RHOV: variants seen among roughly 807,000 people sequenced by gnomAD.
RHOV encodes the protein rho-related GTP-binding protein RhoV.
In RHOV, 6 loss-of-function variants were observed where a neutral mutation model predicts 20.2. The observed-to-expected ratio is 0.30, with a 90% confidence interval of 0.16 to 0.59. The LOEUF is 0.59. Ranked by LOEUF, RHOV falls within the 20% of genes least tolerant of loss-of-function variation. RHOV has a pLI of 0.89. For missense variants in RHOV, 275 were observed against 319.4 expected, an observed-to-expected ratio of 0.86 and a Z score of 1.06; for synonymous variants, 136 against 142.3, an observed-to-expected ratio of 0.96 and a Z score of 0.31.
In RHOV at chr15:40,873,193, C is replaced by A; in HGVS notation, c.576G>T (p.Lys192Asn). Residue 192 changes from lysine (K) to asparagine (N), a missense_variant, in exon 3 of 3, where the codon AAG becomes AAT. Transcript: ENST00000220507. Reference protein sequence around the residue: ...CYLECSALTQKNLKEVFDSAI... With the variant: ...CYLECSALTQNNLKEVFDSAI... ...CCGAGTCAAATACTTCCTTCAAGTT[C>A]TTCTGCGTCAAGGCTGAGCACTCAA... is the stretch of plus-strand genomic sequence containing the variant. 3 of 1,614,264 alleles carry A rather than the reference C, an allele frequency of 1.9e-6. No homozygotes were observed. Among genetic ancestry groups the A allele is most frequent in the South Asian group, 1.1e-5 (1 of 91,090 alleles).
chr15:40,873,431 A>G lies in RHOV; in HGVS notation c.338T>C (p.Val113Ala). Residue 113 changes from valine to alanine, a missense_variant, in exon 3 of 3, where the codon GTG becomes GCG. Val to Ala is a moderately conservative substitution (Grantham distance 64). Transcript: ENST00000220507. The part of the protein sequence containing the change: ...TDVFLACFSV[V>A]QPSSFQNITE... Reference sequence around the variant, plus strand: ...GATGTTTTGAAAGGAGCTGGGCTGCACCACGCTGAAGCACGCCAGGAAGAC... The same window carrying G: ...GATGTTTTGAAAGGAGCTGGGCTGCGCCACGCTGAAGCACGCCAGGAAGAC... The G allele has an allele frequency of 6.2e-7, 1 of 1,611,226 alleles. No individual in the cohort carries two copies. Among genetic ancestry groups the G allele is most frequent in the Non-Finnish European group, 8.5e-7 (1 of 1,179,066 alleles).
At position 40,873,450 on chromosome 15, in the gene RHOV, G is replaced by C. The variant is rs200896433; in HGVS notation, c.319C>G (p.Leu107Val). Residue 107 changes from leucine (L) to valine (V), a missense_variant, in exon 3 of 3, where the codon CTG (leucine) becomes GTG (valine). Leu to Val is a conservative substitution (Grantham distance 32). Coordinates refer to ENST00000220507, the MANE Select transcript of RHOV (RefSeq NM_133639.4). Reference sequence around the variant, plus strand: ...GGCTGCACCACGCTGAAGCACGCCAGGAAGACATCGGTATCCGGGTAGCAA... The same window carrying C: ...GGCTGCACCACGCTGAAGCACGCCACGAAGACATCGGTATCCGGGTAGCAA... Reference protein sequence around the residue: ...SLCYPDTDVFLACFSVVQPSS... With the variant: ...SLCYPDTDVFVACFSVVQPSS... 1 of 1,605,522 alleles carries C rather than the reference G, an allele frequency of 6.2e-7. No homozygotes were observed. The highest frequency in any genetic ancestry group is 8.5e-7 in the Non-Finnish European group (1 of 1,176,060).
rs568852689 is a variant in RHOV, at chr15:40,872,579, T to C, written c.*479A>G. 1.3e-5 allele frequency: 2 copies of C among 156,360 alleles called. No individual in the cohort carries two copies. Among genetic ancestry groups the C allele is most frequent in the East Asian group, 1.9e-4 (1 of 5,236 alleles). The allele number at this position is 156,360 out of a possible 1,614,324, so 9.7% of individuals were successfully genotyped here. On this transcript the variant is annotated 3_prime_UTR_variant, in exon 3 of 3. Coordinates refer to ENST00000220507, the MANE Select transcript of RHOV (RefSeq NM_133639.4). ...ACCATCAGTCCCAGGCTCCAAGACC[T>C]CTTTTCCTGCTCGCTCTCTCAATCT... is the stretch of plus-strand genomic sequence containing the variant.
rs1891917409 is a variant in RHOV at position 40,873,515 on chromosome 15, G to T, written c.268-14C>A. On this transcript the variant is annotated splice_polypyrimidine_tract_variant and intron_variant, in intron 2 of 2. Coordinates refer to ENST00000220507, the MANE Select transcript of RHOV (RefSeq NM_133639.4). ...GTCAAAATCCTCCTGGGGTGGGAAGGCCAGGTGGTAAGGATTAGCCCCCCG... is the reference window on the plus strand; with the variant it reads ...GTCAAAATCCTCCTGGGGTGGGAAGTCCAGGTGGTAAGGATTAGCCCCCCG... 1.9e-6 allele frequency: 3 copies of T among 1,592,182 alleles called. No individual in the cohort carries two copies. The highest frequency in any genetic ancestry group is 1.7e-5 in the Admixed American group (1 of 58,402).
rs769171293 is a variant in RHOV, at chr15:40,874,038, G to A, written c.102C>T (p.Cys34=). ...CCACGGCGCCGTCGCCCACCAGCAC[G>A]CACTTGATGCCCAGCTCTGGGGGCG... is the stretch of plus-strand genomic sequence containing the variant. The part of the protein sequence containing the change: ...RSAPPELGIK[C]VLVGDGAVGK... Residue 34 remains cysteine (C), a synonymous_variant, in exon 1 of 3, where the codon TGC becomes TGT. Coordinates refer to ENST00000220507, the MANE Select transcript of RHOV (RefSeq NM_133639.4). The A allele has an allele frequency of 2.5e-6, 4 of 1,597,278 alleles. No individual in the cohort carries two copies. The highest frequency in any genetic ancestry group is 1.7e-5 in the Admixed American group (1 of 58,514).
At position 40,872,243 on chromosome 15, in the gene RHOV, T is replaced by A. The variant is rs534251992; in HGVS notation, c.*815A>T. On this transcript the variant is annotated 3_prime_UTR_variant, in exon 3 of 3. Transcript: ENST00000220507. ...CAGACTTAAGGTTTTATTTGCAGAC[T>A]CTGCACTGCTCTAGCTTCTAGGCTG... 9 of 152,418 alleles carry A rather than the reference T, an allele frequency of 5.9e-5. No individual in the cohort carries two copies. Among genetic ancestry groups the A allele is most frequent in the Admixed American group, 3.3e-4 (5 of 15,306 alleles). The allele number at this position is 152,418 out of a possible 1,614,324, so 9.4% of individuals were successfully genotyped here.
At position 40,873,916 on chromosome 15, in the gene RHOV, G is replaced by C. The variant is rs377271720; in HGVS notation, c.208+16C>G. The C allele has an allele frequency of 4.1e-5, 66 of 1,601,828 alleles. No individual in the cohort carries two copies. The African/African-American group carries it at 8.4e-4, about 20-fold the overall frequency. ...GCCGCAGCCACGCGGCCGCACGGGC[G>C]ATTGAACGTACGTACCAGAGAAGGT... On this transcript the variant is annotated intron_variant, in intron 1 of 2. Coordinates refer to ENST00000220507, the MANE Select transcript of RHOV (RefSeq NM_133639.4).
Position 40,872,618 on chromosome 15 carries a change from T to A in RHOV, c.*440A>T, listed in dbSNP as rs953127483. The A allele has an allele frequency of 1.9e-5, 3 of 162,014 alleles. No individual in the cohort carries two copies. Among genetic ancestry groups the A allele is most frequent in the Non-Finnish European group, 4.0e-5 (3 of 74,520 alleles). 10.0% of individuals were successfully genotyped at this position (162,014 alleles called of 1,614,324 possible). On this transcript the variant is annotated 3_prime_UTR_variant, in exon 3 of 3. Transcript: ENST00000220507. ...CTCTCTCAATCTCTCGCCCACTCCATCCCAAACTTCTCTCCAAATCGGGGT... is the reference window on the plus strand; with the variant it reads ...CTCTCTCAATCTCTCGCCCACTCCAACCCAAACTTCTCTCCAAATCGGGGT...
In RHOV at chr15:40,873,048, C is replaced by A. The variant is rs1179081084; in HGVS notation, c.*10G>T. ...CTCCTGCCTACTACTTGCTATGCAG[C>A]CATAGCTGCTCAAACGAAGCAGAAG... On this transcript the variant is annotated 3_prime_UTR_variant, in exon 3 of 3. Transcript: ENST00000220507. The A allele has an allele frequency of 6.2e-7, 1 of 1,606,050 alleles. No homozygotes were observed.
intron 1 of RHOV, 85 bp downstream of exon 1, chr15:40,873,847 C>T (rs562793493): frequency 6.5e-7 from 1 of 1,538,278 alleles, no homozygotes; most frequent in East Asian, 2.3e-5. Context: ...TCCTCTGCGC[C>T]CTCCCGCCGA....
Position 40,872,244 on chromosome 15 carries a change from C to T in RHOV, c.*814G>A, listed in dbSNP as rs1010127390. 10 of 152,462 alleles carry T rather than the reference C, an allele frequency of 6.6e-5. No individual in the cohort carries two copies. Among genetic ancestry groups the T allele is most frequent in the African/African-American group, 2.4e-4 (10 of 41,586 alleles). 9.4% of individuals were successfully genotyped at this position (152,462 alleles called of 1,614,324 possible). A position where few individuals can be genotyped will look rare whatever the true frequency, so the allele number is the denominator to read the frequency against. ...AGACTTAAGGTTTTATTTGCAGACT[C>T]TGCACTGCTCTAGCTTCTAGGCTGT... On this transcript the variant is annotated 3_prime_UTR_variant, in exon 3 of 3. Coordinates refer to ENST00000220507, the MANE Select transcript of RHOV (RefSeq NM_133639.4).
Position 40,872,968 on chromosome 15 carries a change from C to T in RHOV, c.*90G>A. On this transcript the variant is annotated 3_prime_UTR_variant, in exon 3 of 3. Transcript: ENST00000220507. ...ACTGAGTCCTATGAGGTGGCCAGGCCCTGCCAGTAGCTGCCGCAAAGGCCC... is the reference window on the plus strand; with the variant it reads ...ACTGAGTCCTATGAGGTGGCCAGGCTCTGCCAGTAGCTGCCGCAAAGGCCC... 3 of 986,356 alleles carry T rather than the reference C, an allele frequency of 3.0e-6. No individual in the cohort carries two copies. The highest frequency in any genetic ancestry group is 4.7e-6 in the Non-Finnish European group (3 of 642,476). The allele number at this position is 986,356 out of a possible 1,614,324, so 61.1% of individuals were successfully genotyped here. A position where few individuals can be genotyped will look rare whatever the true frequency, so the allele number is the denominator to read the frequency against.
In RHOV at chr15:40,872,779, G is replaced by C; in HGVS notation, c.*279C>G. 2.6e-6 allele frequency: 1 copy of C among 386,304 alleles called. No individual in the cohort carries two copies. The highest frequency in any genetic ancestry group is 4.5e-5 in the South Asian group (1 of 22,400). 23.9% of individuals were successfully genotyped at this position (386,304 alleles called of 1,614,324 possible). ...AAACTGGGTTCCCAAACTGCTCGGA[G>C]GTGACTGACCCTGTTAGGACCATCC... On this transcript the variant is annotated 3_prime_UTR_variant, in exon 3 of 3. Coordinates refer to ENST00000220507, the MANE Select transcript of RHOV (RefSeq NM_133639.4).
At position 40,872,776 on chromosome 15, in the gene RHOV, G is replaced by A. The variant is rs772232888; in HGVS notation, c.*282C>T. 31 of 373,518 alleles carry A rather than the reference G, an allele frequency of 8.3e-5. No individual in the cohort carries two copies. The South Asian group carries it at 8.8e-4, about 11-fold the overall frequency. 23.1% of individuals were successfully genotyped at this position (373,518 alleles called of 1,614,324 possible). ...AAGAAACTGGGTTCCCAAACTGCTC[G>A]GAGGTGACTGACCCTGTTAGGACCA... On this transcript the variant is annotated 3_prime_UTR_variant, in exon 3 of 3. Coordinates refer to ENST00000220507, the MANE Select transcript of RHOV (RefSeq NM_133639.4).
At position 40,873,153 on chromosome 15, in the gene RHOV, T is replaced by A; in HGVS notation, c.616A>T (p.Ile206Phe). 2 of 1,614,274 alleles carry A rather than the reference T, an allele frequency of 1.2e-6. No individual in the cohort carries two copies. Among genetic ancestry groups the A allele is most frequent in the Non-Finnish European group, 1.7e-6 (2 of 1,180,040 alleles). ...TTCTCCAGCCGGGCTTTGTGCTCAA[T>A]GGCACTGAGAATAGCCGAGTCAAAT... Reference protein sequence around the residue: ...EVFDSAILSAIEHKARLEKKL... With the variant: ...EVFDSAILSAFEHKARLEKKL... Residue 206 changes from isoleucine (I) to phenylalanine (F), a missense_variant, in exon 3 of 3, where the codon ATT becomes TTT. Ile to Phe is a conservative substitution (Grantham distance 21). Coordinates refer to ENST00000220507, the MANE Select transcript of RHOV (RefSeq NM_133639.4).
At position 40,873,990 on chromosome 15, in the gene RHOV, G is replaced by C. The variant is rs759028239; in HGVS notation, c.150C>G (p.Ser50Arg). Residue 50 changes from serine to arginine, a missense_variant, in exon 1 of 3, where the codon AGC (serine) becomes AGG (arginine). Physicochemically the swap from Ser to Arg is moderately radical, Grantham distance 110. Transcript: ENST00000220507. ...GCGCGGGGTACCCATTGCAGGTGTA[G>C]CTGACGATGAGGCTGCTCTTGCCCA... ...GAVGKSSLIVSYTCNGYPARY... is the reference protein window; with the variant it reads ...GAVGKSSLIVRYTCNGYPARY... 6.2e-7 allele frequency: 1 copy of C among 1,611,042 alleles called. No homozygotes were observed. The highest frequency in any genetic ancestry group is 8.5e-7 in the Non-Finnish European group (1 of 1,179,034).
chr15:40,873,155 G>A lies in RHOV; in HGVS notation c.614C>T (p.Ala205Val). 1 of 1,614,194 alleles carries A rather than the reference G, an allele frequency of 6.2e-7. No homozygotes were observed. Among genetic ancestry groups the A allele is most frequent in the Non-Finnish European group, 8.5e-7 (1 of 1,179,984 alleles). The change falls in exon 3 of 3, where the codon GCC becomes GTC. Residue 205 changes from alanine to valine, a missense_variant. By Grantham distance (64) the Ala-to-Val change is moderately conservative (BLOSUM62 0). Coordinates refer to ENST00000220507, the MANE Select transcript of RHOV (RefSeq NM_133639.4). Reference sequence around the variant, plus strand: ...CTCCAGCCGGGCTTTGTGCTCAATGGCACTGAGAATAGCCGAGTCAAATAC... The same window carrying A: ...CTCCAGCCGGGCTTTGTGCTCAATGACACTGAGAATAGCCGAGTCAAATAC... ...KEVFDSAILSAIEHKARLEKK... is the reference protein window; with the variant it reads ...KEVFDSAILSVIEHKARLEKK...
At position 40,873,679 on chromosome 15, in the gene RHOV, C is replaced by G; in HGVS notation, c.267+5G>C. ...GACCAGTAGAGGCCGCGCCCAGCTT[C>G]TCACCTGTCCCGCTGTGTCCCAGAG... On this transcript the variant is annotated splice_donor_5th_base_variant and intron_variant, in intron 2 of 2. Transcript: ENST00000220507. The G allele has an allele frequency of 1.2e-6, 2 of 1,614,044 alleles. No individual in the cohort carries two copies. Among genetic ancestry groups the G allele is most frequent in the South Asian group, 2.2e-5 (2 of 91,086 alleles).
chr15:40,873,619 T>A, intron 2 of RHOV, 65 bp downstream of exon 2: 1 of 1,592,680 alleles, frequency 6.3e-7, no homozygotes. Flanking sequence ...TTGCTCCATA[T>A]GGGGTCCTCC....
Sources: gnomAD v4.1 joint callset for allele counts on GRCh38, gnomAD v4.1.1 for gene constraint, MANE v1.5 for transcripts, NCBI Gene and HGNC (gene_info 2026-07-23, HGNC 2026-07-21) for gene names.